EXO1: variants seen among roughly 807,000 people sequenced by gnomAD.
The protein encoded by EXO1 is exonuclease 1.
EXO1 carries 69 observed loss-of-function variants against 84.5 expected under a neutral mutation model. That is an observed-to-expected ratio of 0.82 (90% CI 0.67 to 1.00). The LOEUF (loss-of-function observed/expected upper bound fraction) is 1.00, where lower values mean the gene tolerates loss of function less well. Among genes scored for constraint, EXO1 ranks in the 50% least tolerant of loss-of-function variants. The pLI is 0.00. For synonymous variants in EXO1, 373 were observed against 366.1 expected (o/e 1.02, Z -0.21); for missense variants, 1,045 against 1,000.7 (o/e 1.04, Z -0.60).
intron 6 of EXO1, among the ~76,000 whole-genome samples, chr1:241,855,708 G>T (rs897491290): frequency 6.6e-6 from 1 of 152,174 alleles, no homozygotes; most frequent in Non-Finnish European, 1.5e-5. Flanking sequence ...GCGGGCTGCA[G>T]TCCCGAGTCC....
intron 8 of EXO1, among the ~76,000 whole-genome samples, chr1:241,859,620 A>G (rs959297203): frequency 1.3e-5 from 2 of 152,194 alleles, no homozygotes; most frequent in Non-Finnish European, 1.5e-5. Flanking sequence ...TGTATATGCA[A>G]ATATTCCAAA....
At position 241,882,064 on chromosome 1, in the gene EXO1, G is replaced by A. The variant is rs779046851; in HGVS notation, c.2211+47G>A. On this transcript the variant is annotated intron_variant, in intron 14 of 15. Coordinates refer to ENST00000366548, the MANE Select transcript of EXO1 (RefSeq NM_130398.4). Reference sequence around the variant, plus strand: ...TTTTTTAATTTCAGAAGCGGTGTATGCTTACAACTAGAAAATGAGAAATAC... The same window carrying A: ...TTTTTTAATTTCAGAAGCGGTGTATACTTACAACTAGAAAATGAGAAATAC... 3.9e-5 allele frequency: 34 copies of A among 876,284 alleles called. 1 individual carries two copies. The South Asian group carries it at 4.9e-4, about 13-fold the overall frequency. The allele number at this position is 876,284 out of a possible 1,614,324, so 54.3% of individuals were successfully genotyped here. A position where few individuals can be genotyped will look rare whatever the true frequency, so the allele number is the denominator to read the frequency against.
In EXO1 at chr1:241,864,534, T is replaced by C. The variant is rs191563448; in HGVS notation, c.1042-2296T>C. 3.3e-3 allele frequency among the ~76,000 whole-genome samples: 509 copies of C among 152,360 alleles called. 2 individuals are homozygous for C. Among genetic ancestry groups the C allele is most frequent in the Non-Finnish European group, 5.3e-3 (362 of 68,034 alleles). ...GATGTTTGTTGACTGTATAGTCAGG[T>C]TGGAGATGGGGACACAGGGTCAAAT... is the stretch of plus-strand genomic sequence containing the variant. On this transcript the variant is annotated intron_variant, in intron 10 of 15. Transcript: ENST00000366548.
chr1:241,866,687 G>A (rs1661754616), intron 10 of EXO1, 143 bp from the exon 11 acceptor site: 4 of 688,122 alleles, frequency 5.8e-6, no homozygotes, highest in Non-Finnish European at 1.0e-5. Context: ...AGTAGGAAAT[G>A]TTATTCAAGG....
chr1:241,860,174 G>A (rs1382013600), intron 8 of EXO1, among the ~76,000 whole-genome samples: 1 of 152,076 alleles, frequency 6.6e-6, no homozygotes, highest in East Asian at 1.9e-4. Context: ...TTAATTCTCA[G>A]ATTTTGGATG....
chr1:241,863,063 CTG>C (rs1399682786), intron 10 of EXO1, among the ~76,000 whole-genome samples: 9 of 152,142 alleles, frequency 5.9e-5, no homozygotes, highest in African/African-American at 1.9e-4. Flanking sequence ...ATTCCAGGCT[CTG>C]TGGAAATAAA....
chr1:241,849,808 T>C (rs995692239), intron 3 of EXO1, among the ~76,000 whole-genome samples: 1 of 152,244 alleles, frequency 6.6e-6, no homozygotes, highest in African/African-American at 2.4e-5. Context: ...GCCTGGCTCC[T>C]TGAAGCATGT....
intron 11 of EXO1, among the ~76,000 whole-genome samples, chr1:241,871,081 GA>G (rs147869693): frequency 0.08 from 12,014 of 149,402 alleles, 721 homozygotes; most frequent in Admixed American, 0.2. Context: ...ACCTTATTGA[GA>G]AAAAAAAAAT....
At position 241,889,658 on chromosome 1, in the gene EXO1, G is replaced by C; in HGVS notation, c.*58G>C. On this transcript the variant is annotated 3_prime_UTR_variant, in exon 16 of 16. Coordinates refer to ENST00000366548, the MANE Select transcript of EXO1 (RefSeq NM_130398.4). The stretch of plus-strand genomic sequence containing the variant: ...AGAATCTGATCAATTTGAAGTCCCT[G>C]TTTGGGAATGAGGCACTTATCAGCA... The C allele has an allele frequency of 1.9e-6, 3 of 1,556,306 alleles. No homozygotes were observed. The highest frequency in any genetic ancestry group is 2.7e-6 in the Non-Finnish European group (3 of 1,128,026).
chr1:241,858,861 G>A, intron 8 of EXO1, 143 bp downstream of exon 8: 1 of 697,400 alleles, frequency 1.4e-6, no homozygotes, highest in South Asian at 1.8e-5. Flanking sequence ...TGAGGCACTA[G>A]AACTTTGCCT....
intron 10 of EXO1, among the ~76,000 whole-genome samples, chr1:241,862,655 G>C (rs917830289): frequency 1.3e-5 from 2 of 152,148 alleles, no homozygotes; most frequent in African/African-American, 4.8e-5. Context: ...GGCAGAACTT[G>C]GTGATCCTCA....
chr1:241,862,577 C>T (rs1356579694), intron 10 of EXO1, among the ~76,000 whole-genome samples: 4 of 152,190 alleles, frequency 2.6e-5, no homozygotes, highest in African/African-American at 9.7e-5. Flanking sequence ...TCCTACTTAG[C>T]ACTTATTACT....
At chr1:241,851,788 C>G (rs1028020963) in intron 4 of EXO1, among the ~76,000 whole-genome samples, 7 of 152,146 alleles carry the variant, frequency 4.6e-5, no homozygotes, top group Non-Finnish European at 8.8e-5. Context: ...TAAACATTTA[C>G]CAGGACACCA....
At chr1:241,873,890 A>G (rs1178753901) in intron 12 of EXO1, among the ~76,000 whole-genome samples, 1 of 152,156 alleles carries the variant, frequency 6.6e-6, no homozygotes, top group Non-Finnish European at 1.5e-5. Context: ...GTACCTTCCC[A>G]GTACAGTCAG....
At chr1:241,876,797 T>C (rs3819356) in intron 12 of EXO1, among the ~76,000 whole-genome samples, 11,865 of 152,200 alleles carry the variant, frequency 0.078, 732 homozygotes, top group Admixed American at 0.2. Flanking sequence ...GGAAGATTCC[T>C]AGTCACAGTT....
At chr1:241,873,576 T>C (rs1037400904) in intron 12 of EXO1, among the ~76,000 whole-genome samples, 1 of 152,198 alleles carries the variant, frequency 6.6e-6, no homozygotes, top group East Asian at 1.9e-4. Context: ...CTAATGTAGA[T>C]GACTGTGGAG....
chr1:241,885,993 A>G (rs929531700), intron 15 of EXO1, among the ~76,000 whole-genome samples: 10 of 151,936 alleles, frequency 6.6e-5, no homozygotes, highest in African/African-American at 9.7e-5. Flanking sequence ...AGCTGGGATT[A>G]CAGGCATGCA....
At position 241,878,987 on chromosome 1, in the gene EXO1, T is replaced by G. The variant is rs757582060; in HGVS notation, c.1753T>G (p.Ser585Ala). ...DKATVFTDEESYSFESSKFTR... is the reference protein window; with the variant it reads ...DKATVFTDEEAYSFESSKFTR... ...GGCAACAGTGTTTACAGATGAAGAG[T>G]CCTACTCTTTTGAGAGCAGCAAATT... Residue 585 changes from serine to alanine, a missense_variant, in exon 13 of 16, where the codon TCC becomes GCC. Coordinates refer to ENST00000366548, the MANE Select transcript of EXO1 (RefSeq NM_130398.4). 1 of 1,614,040 alleles carries G rather than the reference T, an allele frequency of 6.2e-7. No individual in the cohort carries two copies. The highest frequency in any genetic ancestry group is 8.5e-7 in the Non-Finnish European group (1 of 1,179,968).
intron 10 of EXO1, among the ~76,000 whole-genome samples, chr1:241,863,521 G>A (rs1661519752): frequency 6.6e-6 from 1 of 151,844 alleles, no homozygotes; most frequent in Admixed American, 6.6e-5. Context: ...CCATGTAAAG[G>A]AACCAGATCT....
Sources: gnomAD v4.1 joint callset for allele counts (sites outside exome capture counted in the v4.1 genomes callset) on GRCh38, gnomAD v4.1.1 for gene constraint, MANE v1.5 for transcripts, NCBI Gene and HGNC (gene_info 2026-07-23, HGNC 2026-07-21) for gene names.